RXFP2: variants seen among roughly 807,000 people sequenced by gnomAD.
RXFP2 encodes the protein relaxin family peptide receptor 2, also known as relaxin receptor 2.
RXFP2 carries 68 observed loss-of-function variants against 88.6 expected under a neutral mutation model. The observed-to-expected ratio is 0.77, with a 90% CI of 0.63 to 0.94. RXFP2 has a LOEUF of 0.94. RXFP2 is among the 40% of genes least tolerant of loss of function. The pLI is 0.00. For synonymous variants in RXFP2, 329 were observed against 306.8 expected, an observed-to-expected ratio of 1.07 and a Z score of -0.76; for missense variants, 791 against 893.9, an observed-to-expected ratio of 0.88 and a Z score of 1.47.
At position 31,792,766 on chromosome 13, in the gene RXFP2, G is replaced by T; in HGVS notation, c.1464G>T (p.Leu488=). The T allele has an allele frequency of 6.2e-7, 1 of 1,614,152 alleles. No homozygotes were observed. Among genetic ancestry groups the T allele is most frequent in the Non-Finnish European group, 8.5e-7 (1 of 1,180,026 alleles). Residue 488 remains leucine (L), a synonymous_variant, in exon 16 of 18, where the codon CTG becomes CTT. Transcript: ENST00000298386. ...GGCAGTATCAGAAGTATGCCTTGCT[G>T]TGGATGGAGAGCGTGCAGTGCCGCC... ...YRGQYQKYAL[L]WMESVQCRLM...
At chr13:31,760,369 G>A (rs1872249151) in intron 2 of RXFP2, among the ~76,000 whole-genome samples, 1 of 152,138 alleles carries the variant, frequency 6.6e-6, no homozygotes, top group Non-Finnish European at 1.5e-5. Flanking sequence ...GGGATTACAG[G>A]CATGAGCCAC....
chr13:31,786,294 A>G, intron 11 of RXFP2, 89 bp from the exon 12 acceptor site: 4 of 975,450 alleles, frequency 4.1e-6, no homozygotes, highest in South Asian at 1.3e-5. Flanking sequence ...TTTCTGTTAC[A>G]TCAAATGGGA....
intron 16 of RXFP2, among the ~76,000 whole-genome samples, chr13:31,794,699 G>A (rs758305105): frequency 2.4e-4 from 36 of 152,110 alleles, no homozygotes; most frequent in Non-Finnish European, 4.6e-4. Flanking sequence ...TTAGCCAAGC[G>A]AAGGCAGAGG....
chr13:31,776,045 C>A (rs1264924700), intron 7 of RXFP2, among the ~76,000 whole-genome samples: 1 of 149,808 alleles, frequency 6.7e-6, no homozygotes, highest in Non-Finnish European at 1.5e-5. Context: ...CTTTTTCTTT[C>A]TTTCCTTTCT....
intron 1 of RXFP2, among the ~76,000 whole-genome samples, chr13:31,740,631 G>A (rs1178251330): frequency 6.6e-6 from 1 of 151,752 alleles, no homozygotes; most frequent in Non-Finnish European, 1.5e-5. Flanking sequence ...TACTTATGAG[G>A]AATTATTTTA....
At chr13:31,755,578 T>C (rs1217185250) in intron 1 of RXFP2, among the ~76,000 whole-genome samples, 1 of 152,150 alleles carries the variant, frequency 6.6e-6, no homozygotes, top group Admixed American at 6.5e-5. Flanking sequence ...ATATATTGAC[T>C]CTCTCGTTCA....
chr13:31,760,237 C>T (rs192936705), intron 2 of RXFP2, among the ~76,000 whole-genome samples: 1 of 152,122 alleles, frequency 6.6e-6, no homozygotes, highest in Non-Finnish European at 1.5e-5. Flanking sequence ...TACAGGCGCC[C>T]TCCACCATGC....
chr13:31,797,102 G>A (rs996594689), intron 16 of RXFP2, 99 bp from the exon 17 acceptor site: 4 of 857,140 alleles, frequency 4.7e-6, no homozygotes, highest in Non-Finnish European at 8.0e-6. Flanking sequence ...AACATTTCTG[G>A]TTTCAAACAT....
In RXFP2 at chr13:31,774,436, T is replaced by C. The variant is rs7333829; in HGVS notation, c.498-184T>C. On this transcript the variant is annotated intron_variant, in intron 5 of 17. Coordinates refer to ENST00000298386, the MANE Select transcript of RXFP2 (RefSeq NM_130806.5). ...TGCCTCAATCTCATTGCATGAGTAC[T>C]ATGAGGAAAGCACTGGCTAGTTGGT... Among the ~76,000 whole-genome samples, 50,591 of 152,084 alleles carry C rather than the reference T, an allele frequency of 0.33. 9,175 individuals carry two copies. Among genetic ancestry groups the C allele is most frequent in the Admixed American group, 0.43 (6,593 of 15,254 alleles).
Position 31,792,757 on chromosome 13 carries a change from T to C in RXFP2, c.1455T>C (p.Tyr485=). ...AATACCGAGGGCAGTATCAGAAGTA[T>C]GCCTTGCTGTGGATGGAGAGCGTGC... ...DIKYRGQYQK[Y]ALLWMESVQC... The change falls in exon 16 of 18, where the codon TAT becomes TAC. Residue 485 remains tyrosine, a synonymous_variant. Coordinates refer to ENST00000298386, the MANE Select transcript of RXFP2 (RefSeq NM_130806.5). 6.2e-7 allele frequency: 1 copy of C among 1,614,186 alleles called. No individual in the cohort carries two copies. The highest frequency in any genetic ancestry group is 1.3e-5 in the African/African-American group (1 of 75,062).
chr13:31,772,351 T>C (rs1402918243), intron 5 of RXFP2, among the ~76,000 whole-genome samples: 2 of 152,234 alleles, frequency 1.3e-5, no homozygotes, highest in Non-Finnish European at 2.9e-5. Context: ...CCTATAAACA[T>C]GCATGTCATT....
At chr13:31,752,591 T>A (rs551105034) in intron 1 of RXFP2, among the ~76,000 whole-genome samples, 1 of 152,274 alleles carries the variant, frequency 6.6e-6, no homozygotes, top group Admixed American at 6.5e-5. Flanking sequence ...CAATTTCTCT[T>A]CGCCTACCTT....
At chr13:31,745,057 C>T (rs1871354769) in intron 1 of RXFP2, among the ~76,000 whole-genome samples, 1 of 151,854 alleles carries the variant, frequency 6.6e-6, no homozygotes, top group Non-Finnish European at 1.5e-5. Context: ...GTAGTCCCAG[C>T]TACTTGGGAG....
intron 8 of RXFP2, among the ~76,000 whole-genome samples, chr13:31,777,729 G>C (rs1873060452): frequency 6.6e-6 from 1 of 152,062 alleles, no homozygotes; most frequent in Non-Finnish European, 1.5e-5. Context: ...ATTTGCAGTG[G>C]TTGACCAAAG....
intron 1 of RXFP2, among the ~76,000 whole-genome samples, chr13:31,754,634 CTA>C (rs1337041107): frequency 1.3e-5 from 2 of 152,210 alleles, no homozygotes; most frequent in Non-Finnish European, 2.9e-5. Flanking sequence ...CCTCACCTCT[CTA>C]TTTCAAAATT....
chr13:31,775,173 A>G (rs960698499), intron 6 of RXFP2, 145 bp from the exon 7 acceptor site: 1 of 711,714 alleles, frequency 1.4e-6, no homozygotes, highest in Non-Finnish European at 2.5e-6. Flanking sequence ...TACCCCTTGA[A>G]TTTGCCCCCT....
Position 31,792,937 on chromosome 13 carries a change from C to G in RXFP2, c.1635C>G (p.Ile545Met). The part of the protein sequence containing the change: ...KRQTSVILIC[I>M]WMAGFLIAVI... ...AGACCTCAGTCATCCTCATTTGCAT[C>G]TGGATGGCGGGATTTTTAATAGCTG... The change falls in exon 16 of 18, where the codon ATC becomes ATG. Residue 545 changes from isoleucine (I) to methionine (M), a missense_variant. Transcript: ENST00000298386. 1 of 1,614,094 alleles carries G rather than the reference C, an allele frequency of 6.2e-7. No homozygotes were observed. Among genetic ancestry groups the G allele is most frequent in the Non-Finnish European group, 8.5e-7 (1 of 1,180,020 alleles).
intron 1 of RXFP2, among the ~76,000 whole-genome samples, chr13:31,756,619 C>T (rs569524841): frequency 8.8e-4 from 111 of 126,648 alleles, no homozygotes; most frequent in African/African-American, 3.2e-3. Context: ...TGTGAAGTTC[C>T]AATTTTTTTT....
intron 11 of RXFP2, among the ~76,000 whole-genome samples, chr13:31,784,778 C>T (rs1873447943): frequency 6.6e-6 from 1 of 152,176 alleles, no homozygotes; most frequent in Non-Finnish European, 1.5e-5. Context: ...TCAGTGCCTC[C>T]TTCCTGGTAG....
Sources: gnomAD v4.1 joint callset for allele counts (sites outside exome capture counted in the v4.1 genomes callset) on GRCh38, gnomAD v4.1.1 for gene constraint, MANE v1.5 for transcripts, NCBI Gene and HGNC (gene_info 2026-07-23, HGNC 2026-07-21) for gene names.